The following CACNG5 variants were observed in gnomAD, a reference collection of about 807,000 sequenced individuals.
CACNG5 encodes the protein calcium voltage-gated channel auxiliary subunit gamma 5.
A neutral mutation model predicts 24.8 loss-of-function variants in CACNG5; 18 were observed. That is an observed-to-expected ratio of 0.73 (90% confidence interval 0.50 to 1.08). The LOEUF (loss-of-function observed/expected upper bound fraction) is 1.08, where lower values mean the gene tolerates loss of function less well. Among genes scored for constraint, CACNG5 ranks in the 50% least tolerant of loss-of-function variants. The pLI is 0.00. For synonymous variants in CACNG5, 157 were observed against 149.1 expected (o/e 1.05, Z -0.39); for missense variants, 349 against 367.9 (o/e 0.95, Z 0.42).
chr17:66,878,907 T>G, intron 2 of CACNG5, 65 bp from the exon 3 acceptor site: 1 of 1,325,282 alleles, frequency 7.5e-7, no homozygotes, highest in Non-Finnish European at 1.1e-6. Context: ...GAAATACCAT[T>G]TGTATGGACC....
chr17:66,864,764 T>C (rs958206166), intron 1 of CACNG5, among the ~76,000 whole-genome samples: 1 of 152,234 alleles, frequency 6.6e-6, no homozygotes, highest in African/African-American at 2.4e-5. Flanking sequence ...ATCCTGGTTA[T>C]TCTAAAATGC....
At chr17:66,876,481 T>TA (rs772560628) in intron 1 of CACNG5, among the ~76,000 whole-genome samples, 159 of 152,326 alleles carry the variant, frequency 1.0e-3, no homozygotes, top group Non-Finnish European at 1.8e-3. Flanking sequence ...TGACCTTGCT[T>TA]AGACACTTAG....
intron 5 of CACNG5, 118 bp from the exon 6 acceptor site, chr17:66,884,865 C>T (rs1333342017): frequency 6.2e-7 from 1 of 1,613,432 alleles, no homozygotes; most frequent in Non-Finnish European, 8.5e-7. Context: ...CAGGACCCTG[C>T]TCCTGTCCCC....
At chr17:66,859,270 G>A (rs1339451511) in intron 1 of CACNG5, among the ~76,000 whole-genome samples, 10 of 152,124 alleles carry the variant, frequency 6.6e-5, no homozygotes, top group Non-Finnish European at 1.5e-4. Flanking sequence ...ATGTTTGTGG[G>A]GCTAGAACTC....
At position 66,840,209 on chromosome 17, in the gene CACNG5, C is replaced by T. The variant is rs990280393; in HGVS notation, c.-104+4959C>T. The stretch of plus-strand genomic sequence containing the variant: ...GAGAAGCCAGAGGGCAGGTGGCCCC[C>T]TCCCAATCCGCCCAGCCACGGGCAT... On this transcript the variant is annotated intron_variant, in intron 1 of 5. Coordinates refer to ENST00000533854, the MANE Select transcript of CACNG5 (RefSeq NM_145811.3). Among the ~76,000 whole-genome samples, 5 of 152,320 alleles carry T rather than the reference C, an allele frequency of 3.3e-5. No homozygotes were observed. In the East Asian group the frequency reaches 9.7e-4, roughly 29 times the overall value.
intron 1 of CACNG5, among the ~76,000 whole-genome samples, chr17:66,852,121 A>G (rs72843342): frequency 0.12 from 17,667 of 152,234 alleles, 1,349 homozygotes; most frequent in South Asian, 0.21. Context: ...TGGAGGTGGG[A>G]CACCACCTTT....
At chr17:66,873,275 T>C (rs8077976) in intron 1 of CACNG5, among the ~76,000 whole-genome samples, 14,622 of 152,246 alleles carry the variant, frequency 0.096, 768 homozygotes, top group African/African-American at 0.13. Flanking sequence ...TATAATTTTG[T>C]AATGAATAAG....
intron 1 of CACNG5, among the ~76,000 whole-genome samples, chr17:66,876,076 C>G (rs2143108743): frequency 6.6e-6 from 1 of 152,320 alleles, no homozygotes; most frequent in South Asian, 2.1e-4. Context: ...ATGCAGATTT[C>G]AATTTAGGAT....
At chr17:66,847,875 C>T (rs1339815844) in intron 1 of CACNG5, among the ~76,000 whole-genome samples, 1 of 152,214 alleles carries the variant, frequency 6.6e-6, no homozygotes, top group Non-Finnish European at 1.5e-5. Flanking sequence ...TGCTCTGAGG[C>T]CAGCAGATGC....
rs925796946 is a variant in CACNG5 at position 66,893,016 on chromosome 17, A to G, written c.*7776A>G. The stretch of plus-strand genomic sequence containing the variant: ...CCACCAACATGCATCTAAAGTCCTT[A>G]TCAGAGTCCTTGGCACATAATAGGT... On this transcript the variant is annotated 3_prime_UTR_variant, in exon 6 of 6. Coordinates refer to ENST00000533854, the MANE Select transcript of CACNG5 (RefSeq NM_145811.3). Among the ~76,000 whole-genome samples, 4 of 152,220 alleles carry G rather than the reference A, an allele frequency of 2.6e-5. No individual in the cohort carries two copies. The highest frequency in any genetic ancestry group is 7.2e-5 in the African/African-American group (3 of 41,470).
At chr17:66,869,819 C>T (rs1225564753) in intron 1 of CACNG5, among the ~76,000 whole-genome samples, 2 of 152,180 alleles carry the variant, frequency 1.3e-5, no homozygotes, top group African/African-American at 4.8e-5. Context: ...GGCGGTGGCT[C>T]ATGCCTGTAA....
intron 1 of CACNG5, among the ~76,000 whole-genome samples, chr17:66,873,253 T>C (rs1479413603): frequency 1.3e-5 from 2 of 152,206 alleles, no homozygotes; most frequent in Non-Finnish European, 2.9e-5. Context: ...GATTACATAA[T>C]AGAAGCATAG....
Position 66,885,028 on chromosome 17 carries a change from G to T in CACNG5, c.616G>T (p.Ala206Ser). Residue 206 changes from alanine to serine, a missense_variant, in exon 6 of 6, where the codon GCG (alanine) becomes TCG (serine). Ala to Ser is a moderately conservative substitution (Grantham distance 99). Transcript: ENST00000533854. ...SVYLFMKRYT[A>S]EDMYRPHPGF... Reference sequence around the variant, plus strand: ...GTACCTGTTTATGAAGCGGTACACCGCGGAGGACATGTACAGGCCCCACCC... The same window carrying T: ...GTACCTGTTTATGAAGCGGTACACCTCGGAGGACATGTACAGGCCCCACCC... 6.2e-7 allele frequency: 1 copy of T among 1,614,154 alleles called. No homozygotes were observed. Among genetic ancestry groups the T allele is most frequent in the Non-Finnish European group, 8.5e-7 (1 of 1,180,014 alleles).
Position 66,885,005 on chromosome 17 carries a change from ACC to A in CACNG5, c.594_595del (p.Leu199ValfsTer69), listed in dbSNP as rs748212628. The stretch of plus-strand genomic sequence containing the variant: ...TAGAGTGCCGGGGTGATGTCTGTGT[ACC>A]TGTTTATGAAGCGGTACACCGCGGA... On this transcript the variant is annotated frameshift_variant, in exon 6 of 6. Transcript: ENST00000533854. LOFTEE classifies it high-confidence loss of function. 6.2e-7 allele frequency: 1 copy of A among 1,613,974 alleles called. No homozygotes were observed. Among genetic ancestry groups the A allele is most frequent in the Admixed American group, 1.7e-5 (1 of 60,016 alleles).
Position 66,879,764 on chromosome 17 carries a change from C to T in CACNG5, c.283+706C>T, listed in dbSNP as rs544362467. On this transcript the variant is annotated intron_variant, in intron 3 of 5. Transcript: ENST00000533854. ...ACTGATGTGTTCATCAACCAGGAAG[C>T]TCAACTGAGCTTTGGTGTCCAGAGT... Among the ~76,000 whole-genome samples, 24 of 152,254 alleles carry T rather than the reference C, an allele frequency of 1.6e-4. No individual in the cohort carries two copies. In the South Asian group the frequency reaches 4.8e-3, roughly 30 times the overall value.
chr17:66,848,557 A>G (rs1976668028), intron 1 of CACNG5, among the ~76,000 whole-genome samples: 1 of 152,194 alleles, frequency 6.6e-6, no homozygotes, highest in Non-Finnish European at 1.5e-5. Context: ...GATTCAGACT[A>G]AAGTGTTACT....
At position 66,860,117 on chromosome 17, in the gene CACNG5, T is replaced by G. The variant is rs1598052067; in HGVS notation, c.-103-17113T>G. 5.9e-5 allele frequency among the ~76,000 whole-genome samples: 9 copies of G among 152,318 alleles called. No individual in the cohort carries two copies. The South Asian group carries it at 1.9e-3, about 32-fold the overall frequency. ...TTTCAAGGTGGTGAGCTAAGCATTC[T>G]GTCCAAGCTTACCTATGCAACCCCA... On this transcript the variant is annotated intron_variant, in intron 1 of 5. Transcript: ENST00000533854.
chr17:66,835,935 T>TCCCCGATCTTTG (rs1004729072), intron 1 of CACNG5, among the ~76,000 whole-genome samples: 1 of 152,200 alleles, frequency 6.6e-6, no homozygotes, highest in African/African-American at 2.4e-5. Flanking sequence ...TCATTGTGAT[T>TCCCCGATCTTTG]CCCCGATCTT....
chr17:66,878,106 C>T (rs1414287341), intron 2 of CACNG5, among the ~76,000 whole-genome samples: 1 of 152,226 alleles, frequency 6.6e-6, no homozygotes, highest in Non-Finnish European at 1.5e-5. Context: ...GGTTTTGACC[C>T]CACTTATCTG....
Sources: gnomAD v4.1 joint callset for allele counts (sites outside exome capture counted in the v4.1 genomes callset) on GRCh38, gnomAD v4.1.1 for gene constraint, MANE v1.5 for transcripts, NCBI Gene and HGNC (gene_info 2026-07-23, HGNC 2026-07-21) for gene names.